The following PLCXD3 variants were observed in gnomAD, a reference collection of about 807,000 sequenced individuals.
PLCXD3 encodes phosphatidylinositol specific phospholipase C X domain containing 3.
Under a neutral mutation model 25.5 loss-of-function variants are expected in PLCXD3, and 19 were observed. The observed-to-expected ratio is 0.75, with a 90% CI of 0.52 to 1.09. The LOEUF is 1.09. PLCXD3 is among the 50% of genes least tolerant of loss of function. The probability of loss-of-function intolerance (pLI) is 0.00; values close to 1 mark genes in which losing one functional copy is unlikely to be tolerated. For synonymous variants in PLCXD3, 174 were observed against 137.6 expected (o/e 1.26, Z -1.85); for missense variants, 411 against 388.1 (o/e 1.06, Z -0.50).
chr5:41,417,757 C>T (rs1273393060), intron 1 of PLCXD3, among the ~76,000 whole-genome samples: 1 of 152,168 alleles, frequency 6.6e-6, no homozygotes, highest in Non-Finnish European at 1.5e-5. Context: ...GTAGGACTTT[C>T]CCAAGGAACC....
In PLCXD3 at chr5:41,506,452, A is replaced by T. The variant is rs200537543; in HGVS notation, c.103+3972T>A. On this transcript the variant is annotated intron_variant, in intron 1 of 2. Transcript: ENST00000377801. ...TGTTGCTTTTTTACTGTCTTGAAAGATTCACTTCTGTATCACTATCCACTA... is the reference window on the plus strand; with the variant it reads ...TGTTGCTTTTTTACTGTCTTGAAAGTTTCACTTCTGTATCACTATCCACTA... Among the ~76,000 whole-genome samples, 8 of 152,336 alleles carry T rather than the reference A, an allele frequency of 5.3e-5. No homozygotes were observed. In the East Asian group the frequency reaches 5.8e-4, roughly 11 times the overall value.
At chr5:41,443,357 C>T (rs72758311) in intron 1 of PLCXD3, among the ~76,000 whole-genome samples, 258 of 152,024 alleles carry the variant, frequency 1.7e-3, no homozygotes, top group Non-Finnish European at 1.4e-3. Flanking sequence ...AGCCTAGGTG[C>T]GTAGTGGGCA....
At chr5:41,421,427 C>T (rs1403547637) in intron 1 of PLCXD3, among the ~76,000 whole-genome samples, 1 of 152,178 alleles carries the variant, frequency 6.6e-6, no homozygotes, top group Admixed American at 6.5e-5. Context: ...TGGAGCTGGG[C>T]GCGGTGGCTC....
chr5:41,363,720 G>A (rs939055562), intron 2 of PLCXD3, among the ~76,000 whole-genome samples: 1 of 152,174 alleles, frequency 6.6e-6, no homozygotes, highest in Non-Finnish European at 1.5e-5. Flanking sequence ...ACTTGAATGA[G>A]CCTAGCTTGT....
chr5:41,396,738 G>A (rs1174972076), intron 1 of PLCXD3, among the ~76,000 whole-genome samples: 1 of 152,220 alleles, frequency 6.6e-6, no homozygotes, highest in Non-Finnish European at 1.5e-5. Context: ...AGTCAAAGCT[G>A]AGGTGGTCTC....
At chr5:41,470,298 A>G (rs1485695840) in intron 1 of PLCXD3, among the ~76,000 whole-genome samples, 1 of 152,204 alleles carries the variant, frequency 6.6e-6, no homozygotes, top group Non-Finnish European at 1.5e-5. Context: ...AGAGCAGTAG[A>G]AGCTGTTCTA....
intron 1 of PLCXD3, among the ~76,000 whole-genome samples, chr5:41,429,530 G>C (rs931778161): frequency 3.3e-5 from 5 of 152,116 alleles, no homozygotes; most frequent in African/African-American, 1.2e-4. Flanking sequence ...AAACCTTATG[G>C]ATTTGTGTCT....
intron 2 of PLCXD3, among the ~76,000 whole-genome samples, chr5:41,371,132 G>A (rs1487086183): frequency 1.3e-5 from 2 of 152,102 alleles, no homozygotes; most frequent in East Asian, 3.9e-4. Context: ...TTATCAAAAT[G>A]GTCTGGGCTT....
At chr5:41,467,623 A>G (rs1013038902) in intron 1 of PLCXD3, among the ~76,000 whole-genome samples, 2 of 152,094 alleles carry the variant, frequency 1.3e-5, no homozygotes, top group African/African-American at 2.4e-5. Context: ...AAAAAGAAAA[A>G]AGCATTGCTT....
At chr5:41,476,092 A>G (rs1214411189) in intron 1 of PLCXD3, among the ~76,000 whole-genome samples, 1 of 152,216 alleles carries the variant, frequency 6.6e-6, no homozygotes, top group African/African-American at 2.4e-5. Flanking sequence ...CCAGGCAAGT[A>G]CTGAATGCAT....
At chr5:41,468,665 C>T (rs1748080128) in intron 1 of PLCXD3, among the ~76,000 whole-genome samples, 1 of 151,900 alleles carries the variant, frequency 6.6e-6, no homozygotes, top group Admixed American at 6.6e-5. Flanking sequence ...ATTTTTCTTT[C>T]AGATAGTCTG....
intron 1 of PLCXD3, among the ~76,000 whole-genome samples, chr5:41,403,407 T>TTTTTTTTTTTTTTTTG (rs1554047960): frequency 2.9e-5 from 1 of 34,518 alleles, no homozygotes; most frequent in Admixed American, 2.6e-4. Flanking sequence ...TGTTGTTTTT[T>TTTTTTTTTTTTTTTTG]TTTTTTTTTA....
At chr5:41,462,036 G>A (rs1331348727) in intron 1 of PLCXD3, among the ~76,000 whole-genome samples, 1 of 151,946 alleles carries the variant, frequency 6.6e-6, no homozygotes. Flanking sequence ...AAGCTCACAC[G>A]TGCACTCAGG....
intron 1 of PLCXD3, among the ~76,000 whole-genome samples, chr5:41,487,640 G>C (rs926940439): frequency 1.3e-5 from 2 of 152,150 alleles, no homozygotes; most frequent in African/African-American, 2.4e-5. Context: ...GATAAAAATG[G>C]AGTAGACTAA....
intron 1 of PLCXD3, among the ~76,000 whole-genome samples, chr5:41,386,013 G>A (rs1182991181): frequency 1.3e-5 from 2 of 152,118 alleles, no homozygotes; most frequent in Non-Finnish European, 1.5e-5. Flanking sequence ...GACGTACACA[G>A]AAACTCTGTG....
chr5:41,322,100 G>C (rs868748008), intron 2 of PLCXD3, among the ~76,000 whole-genome samples: 1 of 152,124 alleles, frequency 6.6e-6, no homozygotes. Context: ...AAATTAAAAG[G>C]CTTCTGCACA....
At chr5:41,364,048 T>TCC (rs768731192) in intron 2 of PLCXD3, among the ~76,000 whole-genome samples, 41 of 152,254 alleles carry the variant, frequency 2.7e-4, no homozygotes, top group South Asian at 4.1e-4. Flanking sequence ...TCCACCAGTT[T>TCC]CCAGCCAGGG....
intron 2 of PLCXD3, among the ~76,000 whole-genome samples, chr5:41,318,572 C>A (rs1743367594): frequency 6.6e-6 from 1 of 151,920 alleles, no homozygotes; most frequent in South Asian, 2.1e-4. Flanking sequence ...TTCCTGGTAA[C>A]CTAAAACCAA....
intron 1 of PLCXD3, among the ~76,000 whole-genome samples, chr5:41,456,353 C>T (rs929386243): frequency 2.0e-5 from 3 of 151,918 alleles, no homozygotes; most frequent in Non-Finnish European, 2.9e-5. Flanking sequence ...AAATATCCAT[C>T]ATACTTCTTT....
Sources: gnomAD v4.1 joint callset for allele counts (sites outside exome capture counted in the v4.1 genomes callset) on GRCh38, gnomAD v4.1.1 for gene constraint, MANE v1.5 for transcripts, NCBI Gene and HGNC (gene_info 2026-07-23, HGNC 2026-07-21) for gene names.